Variants in KAT6B observed in about 807,000 individuals in gnomAD.
KAT6B encodes histone acetyltransferase KAT6B.
KAT6B carries 10 observed loss-of-function variants against 187.5 expected under a neutral mutation model. That is an observed-to-expected ratio of 0.05 (90% CI 0.03 to 0.09). The LOEUF (loss-of-function observed/expected upper bound fraction) is 0.09, where lower values mean the gene tolerates loss of function less well. Among genes scored for constraint, KAT6B ranks in the 10% least tolerant of loss-of-function variants. KAT6B has a pLI of 1.00. For missense variants in KAT6B, 1,952 were observed against 2,558.9 expected (o/e 0.76, Z 5.12); for synonymous variants, 861 against 926.8 (o/e 0.93, Z 1.29).
chr10:74,826,571 GT>G (rs1840239232), upstream of KAT6B: 2 of 153,024 alleles, frequency 1.3e-5, no homozygotes, highest in Admixed American at 6.5e-5. Flanking sequence ...CGCGACTCGG[GT>G]TTAATGAGAC....
chr10:74,997,894 C>T (rs1268341563), intron 13 of KAT6B, among the ~76,000 whole-genome samples: 1 of 151,944 alleles, frequency 6.6e-6, no homozygotes, highest in African/African-American at 2.4e-5. Flanking sequence ...AGCAGATCAC[C>T]TGAGGTCAGG....
At chr10:74,851,176 C>T (rs570188210) in intron 3 of KAT6B, among the ~76,000 whole-genome samples, 13 of 151,786 alleles carry the variant, frequency 8.6e-5, no homozygotes, top group South Asian at 6.2e-4. Flanking sequence ...GGCGCAATCT[C>T]GGCTCACTGC....
At chr10:74,871,418 C>G (rs545543812) in intron 3 of KAT6B, among the ~76,000 whole-genome samples, 2 of 152,208 alleles carry the variant, frequency 1.3e-5, no homozygotes, top group African/African-American at 4.8e-5. Flanking sequence ...GTCTCGAACT[C>G]CTGACCTCAA....
chr10:75,021,796 T>C (rs1036661508), intron 15 of KAT6B, 85 bp from the exon 16 acceptor site: 1 of 1,464,686 alleles, frequency 6.8e-7, no homozygotes, highest in Non-Finnish European at 9.5e-7. Flanking sequence ...AGAACCGACT[T>C]AGAGACACTT....
chr10:75,008,686 G>C (rs1844389739), intron 13 of KAT6B, among the ~76,000 whole-genome samples: 1 of 152,126 alleles, frequency 6.6e-6, no homozygotes, highest in African/African-American at 2.4e-5. Context: ...AGAACATAAT[G>C]AATGTTTTTA....
At chr10:75,018,542 G>A (rs892343596) in intron 13 of KAT6B, among the ~76,000 whole-genome samples, 9 of 152,246 alleles carry the variant, frequency 5.9e-5, no homozygotes, top group Non-Finnish European at 8.8e-5. Flanking sequence ...TGCGGAAAGC[G>A]TGGGTTTTCT....
intron 3 of KAT6B, among the ~76,000 whole-genome samples, chr10:74,845,889 T>A (rs1842066626): frequency 6.7e-6 from 1 of 148,732 alleles, no homozygotes; most frequent in African/African-American, 2.5e-5. Context: ...GGTTTGCCTT[T>A]CCATGGGCTG....
At chr10:74,950,665 T>G (rs1443850187) in intron 3 of KAT6B, among the ~76,000 whole-genome samples, 1 of 152,158 alleles carries the variant, frequency 6.6e-6, no homozygotes, top group Non-Finnish European at 1.5e-5. Context: ...ATTAGGTAAG[T>G]GTCAAATAGA....
intron 2 of KAT6B, among the ~76,000 whole-genome samples, chr10:74,840,412 C>T (rs1382049814): frequency 1.3e-5 from 2 of 152,144 alleles, no homozygotes; most frequent in African/African-American, 4.8e-5. Context: ...GAAGGCCTCT[C>T]ATACTGAAGA....
At chr10:74,982,684 C>T (rs1309744320) in intron 11 of KAT6B, 1 of 152,538 alleles carries the variant, frequency 6.6e-6, no homozygotes, top group Non-Finnish European at 1.5e-5. Flanking sequence ...CACGTTTCTC[C>T]TTTATGCTCT....
chr10:75,024,967 G>A lies in KAT6B; in HGVS notation c.3382G>A (p.Val1128Ile), dbSNP rs760250655. 45 of 1,614,004 alleles carry A rather than the reference G, an allele frequency of 2.8e-5. No individual in the cohort carries two copies. In the Middle Eastern group the frequency reaches 1.5e-3, roughly 53 times the overall value. ...SVAIKRKRPFVLKKKRGRKRR... is the reference protein window; with the variant it reads ...SVAIKRKRPFILKKKRGRKRR... ...TTGGAATTAATTTCAGAGGCCTTTT[G>A]TACTAAAGAAGAAAAGGGGTCGTAA... Residue 1128 changes from valine (V) to isoleucine (I), a missense_variant, in exon 17 of 18, where the codon GTA (valine) becomes ATA (isoleucine). Coordinates refer to ENST00000287239, the MANE Select transcript of KAT6B (RefSeq NM_012330.4).
intron 3 of KAT6B, among the ~76,000 whole-genome samples, chr10:74,899,773 A>C (rs949392808): frequency 2.0e-5 from 3 of 152,090 alleles, no homozygotes; most frequent in Admixed American, 2.0e-4. Flanking sequence ...CACAAATAAC[A>C]TTGATACCAA....
chr10:74,832,058 G>A (rs895604685), intron 1 of KAT6B, among the ~76,000 whole-genome samples: 2 of 152,222 alleles, frequency 1.3e-5, no homozygotes, highest in African/African-American at 4.8e-5. Context: ...TTGTGAAACT[G>A]GATAAAATAC....
At chr10:74,857,004 G>A (rs1842867509) in intron 3 of KAT6B, among the ~76,000 whole-genome samples, 1 of 152,192 alleles carries the variant, frequency 6.6e-6, no homozygotes, top group Admixed American at 6.5e-5. Flanking sequence ...ATTACTGGTG[G>A]TGCTTAGTTT....
chr10:74,985,121 C>T lies in KAT6B; in HGVS notation c.2415C>T (p.Cys805=). 6.2e-7 allele frequency: 1 copy of T among 1,614,094 alleles called. No individual in the cohort carries two copies. The highest frequency in any genetic ancestry group is 8.5e-7 in the Non-Finnish European group (1 of 1,180,002). ...NMSKIYCQNL[C]LLAKLFLDHK... is the part of the protein sequence containing the mutation. ...GCAAAATTTATTGCCAAAACCTTTGCTTGTTAGCCAAGCTCTTCCTGGACC... is the reference window on the plus strand; with the variant it reads ...GCAAAATTTATTGCCAAAACCTTTGTTTGTTAGCCAAGCTCTTCCTGGACC... Residue 805 remains cysteine, a synonymous_variant, in exon 12 of 18, where the codon TGC becomes TGT. Transcript: ENST00000287239.
intron 13 of KAT6B, among the ~76,000 whole-genome samples, chr10:75,010,135 G>A (rs1450059239): frequency 6.6e-6 from 1 of 152,228 alleles, no homozygotes; most frequent in Non-Finnish European, 1.5e-5. Flanking sequence ...AGGGGGCTCA[G>A]CAATAACCCT....
At chr10:74,890,040 ATT>A (rs36105581) in intron 3 of KAT6B, among the ~76,000 whole-genome samples, 8 of 144,026 alleles carry the variant, frequency 5.6e-5, no homozygotes, top group African/African-American at 1.0e-4. Context: ...TGGACATGTA[ATT>A]TTTTTTTTTT....
At chr10:74,928,850 A>G (rs1292893808) in intron 3 of KAT6B, among the ~76,000 whole-genome samples, 1 of 152,190 alleles carries the variant, frequency 6.6e-6, no homozygotes, top group African/African-American at 2.4e-5. Flanking sequence ...GCCTACAATG[A>G]CTTTGATAAG....
At position 74,939,402 on chromosome 10, in the gene KAT6B, G is replaced by A. The variant is rs143994252; in HGVS notation, c.622-20568G>A. Among the ~76,000 whole-genome samples the A allele has an allele frequency of 5.1e-4, 78 of 151,942 alleles. 2 individuals are homozygous for A. The East Asian group carries it at 0.011, about 22-fold the overall frequency. On this transcript the variant is annotated intron_variant, in intron 3 of 17. Transcript: ENST00000287239. ...TGACCTTGGAGTCTGTTTTTTTGTT[G>A]TTGTTGTTTATTTGTTTTTTGAGAT...
Sources: gnomAD v4.1 joint callset for allele counts (sites outside exome capture counted in the v4.1 genomes callset) on GRCh38, gnomAD v4.1.1 for gene constraint, MANE v1.5 for transcripts, NCBI Gene and HGNC (gene_info 2026-07-23, HGNC 2026-07-21) for gene names.